The following APOLD1 variants were observed in gnomAD, a reference collection of about 807,000 sequenced individuals.
The protein encoded by APOLD1 is apolipoprotein L domain-containing protein 1.
A neutral mutation model predicts 15.3 loss-of-function variants in APOLD1; 22 were observed. The ratio of observed to expected loss-of-function variants is 1.44; its 90% CI spans 1.03 to 2.05. The LOEUF is 2.05. Among genes scored for constraint, APOLD1 ranks in the 30% most tolerant of loss-of-function variants. APOLD1 has a pLI of 0.00. For synonymous variants in APOLD1, 190 were observed against 167.4 expected (o/e 1.13, Z -1.04); for missense variants, 394 against 353.5 (o/e 1.11, Z -0.92).
chr12:12,785,996 A>G (rs1178108377), intron 1 of APOLD1, among the ~76,000 whole-genome samples: 1 of 152,230 alleles, frequency 6.6e-6, no homozygotes, highest in African/African-American at 2.4e-5. Context: ...AATGAAGAGT[A>G]CAGTGGACAT....
At chr12:12,749,251 G>A (rs748061589) in intron 1 of APOLD1, among the ~76,000 whole-genome samples, 1 of 152,068 alleles carries the variant, frequency 6.6e-6, no homozygotes, top group Non-Finnish European at 1.5e-5. Flanking sequence ...TACATGTTCT[G>A]TTAAATCTAT....
rs769732178 is a variant in APOLD1, at chr12:12,787,565, GGA to G, written c.662_663del (p.Glu221ValfsTer20). ...CTCTGGACGAACTCAGCGAGCAGCT[GGA>G]GTCTCGGGTTCAGCTCTGCACCAAG... ...GALDELSEQL[E>X]SRVQLCTKSS... On this transcript the variant is annotated frameshift_variant, in exon 2 of 2. Transcript: ENST00000356591. LOFTEE classifies it high-confidence loss of function. The surrounding 1 kb of genome is among the most constrained non-coding windows in gnomAD (Gnocchi z 4.9). 51 of 1,613,280 alleles carry G rather than the reference GGA, an allele frequency of 3.2e-5. 1 individual carries two copies. Among genetic ancestry groups the G allele is most frequent in the Middle Eastern group, 3.3e-4 (2 of 6,084 alleles).
chr12:12,732,496 G>A (rs1200662700), intron 1 of APOLD1, among the ~76,000 whole-genome samples: 1 of 151,916 alleles, frequency 6.6e-6, no homozygotes, highest in African/African-American at 2.4e-5. Flanking sequence ...AGGCTGAGGC[G>A]AGAGGATCAC....
rs1365560332 is a variant in APOLD1 at position 12,788,343 on chromosome 12, A to G, written c.*691A>G. ...CGTCATCTAAGTCCTGCTCCCTCAC[A>G]TGAAGCTGAGGGCCAGATAGATGGA... On this transcript the variant is annotated 3_prime_UTR_variant, in exon 2 of 2. Transcript: ENST00000356591. The G allele has an allele frequency of 2.0e-5, 3 of 152,284 alleles. No homozygotes were observed. The highest frequency in any genetic ancestry group is 7.2e-5 in the African/African-American group (3 of 41,536). The allele number at this position is 152,284 out of a possible 1,614,324, so 9.4% of individuals were successfully genotyped here.
chr12:12,745,935 GA>G (rs1257084176), intron 1 of APOLD1, among the ~76,000 whole-genome samples: 1 of 152,120 alleles, frequency 6.6e-6, no homozygotes, highest in Non-Finnish European at 1.5e-5. Flanking sequence ...GGATCAGGAA[GA>G]GGGCATTTAT....
At chr12:12,752,932 T>C (rs772708305) in intron 1 of APOLD1, among the ~76,000 whole-genome samples, 6 of 152,064 alleles carry the variant, frequency 3.9e-5, no homozygotes, top group Non-Finnish European at 8.8e-5. Flanking sequence ...GTGGTATCTA[T>C]CTCCACTCAA....
chr12:12,773,371 G>C (rs931427682), intron 1 of APOLD1, among the ~76,000 whole-genome samples: 10 of 152,186 alleles, frequency 6.6e-5, no homozygotes, highest in African/African-American at 2.4e-4. Context: ...GAACCAGGGT[G>C]GGCAACATAG....
At chr12:12,782,431 T>A (rs1235831850), upstream of APOLD1, among the ~76,000 whole-genome samples, 1 of 152,152 alleles carries the variant, frequency 6.6e-6, no homozygotes, top group African/African-American at 2.4e-5. Flanking sequence ...CTTAAAAAGC[T>A]CTTTCTCGTC....
At chr12:12,753,143 G>A (rs535533593) in intron 1 of APOLD1, among the ~76,000 whole-genome samples, 1 of 152,160 alleles carries the variant, frequency 6.6e-6, no homozygotes, top group Non-Finnish European at 1.5e-5. Context: ...CTGTAAAGAT[G>A]AGTGACAAAT....
Position 12,753,510 on chromosome 12 carries a change from TAAAAA to T in APOLD1, c.96+27418_96+27422del, listed in dbSNP as rs1231985777. The stretch of plus-strand genomic sequence containing the variant: ...AGACTACGTCACTACAAAAAAATAA[TAAAAA>T]AAATTTAGCCAGGCATGGTGGTGTG... On this transcript the variant is annotated intron_variant, in intron 1 of 1. Transcript: ENST00000326765. Among the ~76,000 whole-genome samples the T allele has an allele frequency of 1.2e-3, 185 of 151,252 alleles. 5 individuals are homozygous for T. The highest frequency in any genetic ancestry group is 4.0e-4 in the Non-Finnish European group (27 of 67,752).
intron 1 of APOLD1, chr12:12,771,773 T>C: frequency 4.1e-6 from 1 of 243,792 alleles, no homozygotes; most frequent in Middle Eastern, 1.5e-3. Flanking sequence ...ATTGCATATA[T>C]ATAGCTATGT....
chr12:12,739,815 A>G (rs1302650390), intron 1 of APOLD1, among the ~76,000 whole-genome samples: 1 of 87,562 alleles, frequency 1.1e-5, no homozygotes, highest in Non-Finnish European at 2.1e-5. Context: ...ACCAGATCCT[A>G]CTTTTTTTTT....
intron 1 of APOLD1, chr12:12,726,178 A>AAAAAAAAC: frequency 1.1e-6 from 1 of 918,994 alleles, no homozygotes; most frequent in Non-Finnish European, 1.6e-6. Context: ...AAAAAAAAAA[A>AAAAAAAAC]AAGAGGAAAT....
chr12:12,762,423 C>T (rs749985529), intron 1 of APOLD1, among the ~76,000 whole-genome samples: 1 of 151,956 alleles, frequency 6.6e-6, no homozygotes, highest in Admixed American at 6.5e-5. Flanking sequence ...GGCACTATCT[C>T]GGCTCACTGC....
intron 1 of APOLD1, among the ~76,000 whole-genome samples, chr12:12,770,234 G>A (rs1199729207): frequency 3.9e-5 from 6 of 152,066 alleles, no homozygotes; most frequent in South Asian, 4.1e-4. Context: ...GTGAAACCTC[G>A]TCTGTACTAA....
At chr12:12,730,073 T>A (rs917035275) in intron 1 of APOLD1, among the ~76,000 whole-genome samples, 81 of 43,956 alleles carry the variant, frequency 1.8e-3, no homozygotes, top group African/African-American at 6.8e-3. Flanking sequence ...TGTGTGTGTG[T>A]GTGTGAGAGA....
At chr12:12,729,306 T>A (rs1433404369) in intron 1 of APOLD1, among the ~76,000 whole-genome samples, 2 of 151,668 alleles carry the variant, frequency 1.3e-5, no homozygotes, top group Non-Finnish European at 2.9e-5. Context: ...GAGGATGAAG[T>A]AGAAAGAAAT....
intron 1 of APOLD1, among the ~76,000 whole-genome samples, chr12:12,744,855 T>A (rs1033553384): frequency 1.3e-5 from 2 of 152,288 alleles, no homozygotes; most frequent in African/African-American, 4.8e-5. Flanking sequence ...AGAGTGTCTG[T>A]CTGCCCGACT....
intron 1 of APOLD1, among the ~76,000 whole-genome samples, chr12:12,754,202 C>CAAAAAAA (rs373664204): frequency 1.0e-4 from 8 of 78,298 alleles, no homozygotes; most frequent in Non-Finnish European, 1.5e-4. Context: ...GACTCTGTCT[C>CAAAAAAA]AAAAAAAAAA....
Sources: allele counts gnomAD v4.1 joint callset (sites outside exome capture counted in the v4.1 genomes callset), GRCh38; gene constraint gnomAD v4.1.1; non-coding constraint Gnocchi (gnomAD v3.1); transcripts MANE v1.5; gene names NCBI Gene and HGNC (gene_info 2026-07-23, HGNC 2026-07-21).